TFB1M: variants seen among roughly 807,000 people sequenced by gnomAD.
TFB1M encodes the protein transcription factor B1, mitochondrial, also known as dimethyladenosine transferase 1, mitochondrial.
TFB1M carries 27 observed loss-of-function variants against 31.1 expected under a neutral mutation model. That is an observed-to-expected ratio of 0.87 (90% CI 0.64 to 1.20). TFB1M has a LOEUF of 1.20. Ranked by LOEUF, TFB1M falls within the 50% of genes most tolerant of loss-of-function variation. The pLI is 0.00. For synonymous variants in TFB1M, 166 were observed against 151.8 expected, an observed-to-expected ratio of 1.09 and a Z score of -0.69; for missense variants, 394 against 418.7, an observed-to-expected ratio of 0.94 and a Z score of 0.51.
At chr6:155,307,095 C>G (rs1319173701) in intron 2 of TFB1M, among the ~76,000 whole-genome samples, 1 of 151,764 alleles carries the variant, frequency 6.6e-6, no homozygotes, top group Non-Finnish European at 1.5e-5. Flanking sequence ...TGTCACTGCA[C>G]TCCAGCCTGG....
At chr6:155,236,986 C>T in the TFB1M span, among the ~76,000 whole-genome samples, 1 of 152,174 alleles carries the variant, frequency 6.6e-6, no homozygotes, top group Non-Finnish European at 1.5e-5. Context: ...CAACAGTCCC[C>T]CAAAGTCTCA....
downstream of TFB1M, chr6:155,254,122 G>A (rs1307539840): frequency 2.9e-5 from 45 of 1,534,778 alleles, no homozygotes; most frequent in Non-Finnish European, 3.9e-5. Context: ...TCTCTTAAGG[G>A]AATTTATATT....
chr6:155,256,822 G>C lies in TFB1M; in HGVS notation c.*1014C>G, dbSNP rs755263506. 2.7e-5 allele frequency: 44 copies of C among 1,614,044 alleles called. No individual in the cohort carries two copies. The highest frequency in any genetic ancestry group is 3.6e-5 in the Non-Finnish European group (43 of 1,180,050). On this transcript the variant is annotated 3_prime_UTR_variant, in exon 7 of 7. Coordinates refer to ENST00000367166, the MANE Select transcript of TFB1M (RefSeq NM_016020.4). ...ACTGAGGATTTCCGAGGACCCAGAC[G>C]TTCACCCCGAGGCTGAGCAGCAGCC... is the stretch of plus-strand genomic sequence containing the variant.
chr6:155,298,395 G>A, intron 3 of TFB1M, 82 bp downstream of exon 3: 5 of 762,120 alleles, frequency 6.6e-6, no homozygotes, highest in Non-Finnish European at 1.2e-5. Context: ...TAAGACATTT[G>A]TAATAAATGT....
the TFB1M span, chr6:155,240,458 G>C: frequency 6.7e-7 from 1 of 1,482,134 alleles, no homozygotes; most frequent in South Asian, 1.3e-5. Context: ...GAGACACTTG[G>C]TGCCCTTGGG....
chr6:155,242,915 T>A, the TFB1M span, among the ~76,000 whole-genome samples: 1 of 62,892 alleles, frequency 1.6e-5, no homozygotes, highest in Non-Finnish European at 4.2e-5. Context: ...TTTTTTTTTC[T>A]TTTTTTTAGT....
chr6:155,302,244 G>A (rs999136084), intron 2 of TFB1M, among the ~76,000 whole-genome samples: 9 of 152,152 alleles, frequency 5.9e-5, no homozygotes, highest in Admixed American at 2.6e-4. Context: ...CTGTAGTTAC[G>A]TTAATTATCT....
downstream of TFB1M, chr6:155,252,100 C>A: frequency 3.5e-6 from 3 of 864,416 alleles, no homozygotes; most frequent in African/African-American, 1.7e-5. Context: ...CAAGGCTGGG[C>A]TGACTGATAC....
chr6:155,303,985 TG>T (rs1426153403), intron 2 of TFB1M, among the ~76,000 whole-genome samples: 1 of 152,150 alleles, frequency 6.6e-6, no homozygotes, highest in African/African-American at 2.4e-5. Flanking sequence ...CTTTCCACTA[TG>T]CCAATGAAGT....
In TFB1M at chr6:155,297,039, A is replaced by G; in HGVS notation, c.460T>C (p.Trp154Arg). 2.5e-6 allele frequency: 4 copies of G among 1,613,610 alleles called. No individual in the cohort carries two copies. The highest frequency in any genetic ancestry group is 1.1e-5 in the South Asian group (1 of 91,082). ...FSVSTPLIIK[W>R]LENISCRDGP... Reference sequence around the variant, plus strand: ...TCTCTACAGGAAATATTTTCAAGCCACTTGATAATCAGTGGAGTTGAAACA... The same window carrying G: ...TCTCTACAGGAAATATTTTCAAGCCGCTTGATAATCAGTGGAGTTGAAACA... The change falls in exon 4 of 7, where the codon TGG becomes CGG. Residue 154 changes from tryptophan to arginine, a missense_variant. Transcript: ENST00000367166.
At chr6:155,310,857 A>G (rs1358438389) in intron 2 of TFB1M, 27 of 270,804 alleles carry the variant, frequency 1.0e-4, no homozygotes. Flanking sequence ...ATTTATTTTT[A>G]TTTATTTTTG....
chr6:155,284,569 G>A (rs965176552), intron 5 of TFB1M, among the ~76,000 whole-genome samples: 51 of 152,166 alleles, frequency 3.4e-4, no homozygotes, highest in Admixed American at 2.8e-3. Context: ...AACTCACCAA[G>A]CAGTGGTTTT....
At chr6:155,311,542 G>A (rs1778017884) in intron 1 of TFB1M, among the ~76,000 whole-genome samples, 1 of 152,124 alleles carries the variant, frequency 6.6e-6, no homozygotes, top group Non-Finnish European at 1.5e-5. Flanking sequence ...CCATTGAACT[G>A]TACCAGTCCC....
the TFB1M span, chr6:155,245,740 C>A: frequency 7.6e-7 from 1 of 1,323,656 alleles, no homozygotes; most frequent in Admixed American, 2.4e-5. Context: ...AGGTAAGTTG[C>A]TTATGCCTTT....
intron 5 of TFB1M, among the ~76,000 whole-genome samples, chr6:155,272,436 TGA>T (rs1323060313): frequency 6.6e-6 from 1 of 151,998 alleles, no homozygotes; most frequent in Admixed American, 6.6e-5. Flanking sequence ...TTTGGGACCA[TGA>T]GAGAGTTTTC....
intron 4 of TFB1M, among the ~76,000 whole-genome samples, chr6:155,292,270 C>T (rs150266319): frequency 2.0e-4 from 30 of 152,248 alleles, no homozygotes; most frequent in African/African-American, 6.3e-4. Context: ...GCGGTGCTCA[C>T]ACGTGTGCAG....
At chr6:155,312,711 C>A (rs1332516913) in intron 1 of TFB1M, among the ~76,000 whole-genome samples, 1 of 151,938 alleles carries the variant, frequency 6.6e-6, no homozygotes, top group Non-Finnish European at 1.5e-5. Context: ...ACTCTGGTTC[C>A]CATAGAAAGA....
chr6:155,265,440 A>C (rs1433534420), intron 5 of TFB1M, among the ~76,000 whole-genome samples: 3 of 152,148 alleles, frequency 2.0e-5, no homozygotes, highest in Admixed American at 6.5e-5. Flanking sequence ...CATCACACTG[A>C]AGATGCTTGG....
At chr6:155,272,880 T>C (rs564361073) in intron 5 of TFB1M, among the ~76,000 whole-genome samples, 1 of 152,334 alleles carries the variant, frequency 6.6e-6, no homozygotes, top group South Asian at 2.1e-4. Flanking sequence ...TGAAATATAC[T>C]GAAAGTTATA....
Sources: allele counts gnomAD v4.1 joint callset (sites outside exome capture counted in the v4.1 genomes callset), GRCh38; gene constraint gnomAD v4.1.1; transcripts MANE v1.5; gene names NCBI Gene and HGNC (gene_info 2026-07-23, HGNC 2026-07-21).